The following ADGRL3 variants were observed in gnomAD, a reference collection of about 807,000 sequenced individuals.
ADGRL3 encodes adhesion G protein-coupled receptor L3, also known as calcium-independent alpha-latrotoxin receptor 3.
A neutral mutation model predicts 153.5 loss-of-function variants in ADGRL3; 62 were observed. The observed-to-expected ratio is 0.40, with a 90% CI of 0.33 to 0.50. ADGRL3 has a LOEUF of 0.50. ADGRL3 is among the 20% of genes least tolerant of loss of function. The pLI is 0.47. For synonymous variants in ADGRL3, 710 were observed against 672.5 expected (o/e 1.06, Z -0.86); for missense variants, 1,641 against 1,859.4 (o/e 0.88, Z 2.16).
intron 5 of ADGRL3, among the ~76,000 whole-genome samples, chr4:61,655,115 A>G (rs1473103064): frequency 6.6e-6 from 1 of 152,066 alleles, no homozygotes. Flanking sequence ...TGTGGCCAGC[A>G]GTGTACTCAC....
chr4:61,671,217 G>T (rs1048659991), intron 5 of ADGRL3, among the ~76,000 whole-genome samples: 3 of 152,096 alleles, frequency 2.0e-5, no homozygotes, highest in Non-Finnish European at 4.4e-5. Context: ...CTATGTTGTG[G>T]CAAATAGAGG....
chr4:62,068,544 G>T (rs1313343370), intron 26 of ADGRL3, among the ~76,000 whole-genome samples: 2 of 151,848 alleles, frequency 1.3e-5, no homozygotes, highest in Non-Finnish European at 2.9e-5. Context: ...ATTTTACTAT[G>T]GCTGTTTTCA....
At chr4:61,505,894 G>A (rs1405500805) in intron 3 of ADGRL3, among the ~76,000 whole-genome samples, 3 of 151,994 alleles carry the variant, frequency 2.0e-5, no homozygotes, top group Admixed American at 1.3e-4. Context: ...ATAATTAATG[G>A]TTAATAAATG....
chr4:61,691,531 C>G (rs974173604), intron 6 of ADGRL3, among the ~76,000 whole-genome samples: 3 of 152,116 alleles, frequency 2.0e-5, no homozygotes, highest in Non-Finnish European at 4.4e-5. Context: ...TTTATTTCTT[C>G]AAGACAAACC....
Position 61,946,926 on chromosome 4 carries a change from T to C in ADGRL3, c.2432T>C (p.Val811Ala). The C allele has an allele frequency of 4.3e-6, 7 of 1,613,570 alleles. No homozygotes were observed. Among genetic ancestry groups the C allele is most frequent in the Non-Finnish European group, 5.9e-6 (7 of 1,179,552 alleles). ...GCATTTACTTTAGGAGAGATCAGAG[T>C]GGCCTTTGTCCTGTATAACAACTTG... ...KQNGRNGEIR[V>A]AFVLYNNLGP... Residue 811 changes from valine to alanine, a missense_variant, in exon 16 of 27, where the codon GTG becomes GCG. Physicochemically the swap from Val to Ala is moderately conservative, Grantham distance 64 (BLOSUM62 0). Coordinates refer to ENST00000683033, the MANE Select transcript of ADGRL3 (RefSeq NM_001387552.1).
rs1190618911 is a variant in ADGRL3, at chr4:61,869,936, T to TAAAAAAAAAAAAA, written c.1481-22707_1481-22695dup. Among the ~76,000 whole-genome samples, 24 of 10,506 alleles carry TAAAAAAAAAAAAA rather than the reference T, an allele frequency of 2.3e-3. 4 individuals carry two copies. The highest frequency in any genetic ancestry group is 4.9e-3 in the Non-Finnish European group (19 of 3,912). The allele number at this position is 10,506 out of a possible 152,430, so 6.9% of individuals were successfully genotyped here. On this transcript the variant is annotated intron_variant, in intron 9 of 26. Coordinates refer to ENST00000683033, the MANE Select transcript of ADGRL3 (RefSeq NM_001387552.1). ...CTGGGCAACAAGAGCAAAACTTTGT[T>TAAAAAAAAAAAAA]AAAAAAAAAAAAAAAAAAAAAAAAA...
In ADGRL3 at chr4:61,232,944, C is replaced by T. The variant is rs144829447; in HGVS notation, c.-240+31179C>T. On this transcript the variant is annotated intron_variant, in intron 1 of 26. Transcript: ENST00000683033. ...ACATTGTAATCAGACTCATAGTTTT[C>T]TTGCCTCCATGCCAGCTTAGATGTA... is the stretch of plus-strand genomic sequence containing the variant. Among the ~76,000 whole-genome samples the T allele has an allele frequency of 2.8e-4, 43 of 152,238 alleles. 1 individual carries two copies. Among genetic ancestry groups the T allele is most frequent in the African/African-American group, 9.4e-4 (39 of 41,546 alleles).
intron 5 of ADGRL3, among the ~76,000 whole-genome samples, chr4:61,626,030 C>T (rs1479661777): frequency 6.6e-6 from 1 of 151,918 alleles, no homozygotes; most frequent in Non-Finnish European, 1.5e-5. Flanking sequence ...TCTTAACACT[C>T]TACAGTTTAA....
intron 5 of ADGRL3, among the ~76,000 whole-genome samples, chr4:61,613,074 T>C (rs747065396): frequency 5.9e-5 from 9 of 152,116 alleles, no homozygotes; most frequent in Non-Finnish European, 1.2e-4. Flanking sequence ...GTAAATTAGT[T>C]CTGAAAATTA....
chr4:62,068,221 ATT>A, intron 26 of ADGRL3, 38 bp downstream of exon 26: 2 of 1,577,406 alleles, frequency 1.3e-6, no homozygotes, highest in Non-Finnish European at 1.7e-6. Context: ...ATCAAATGTA[ATT>A]TTTTTTAGTT....
At chr4:61,539,638 G>A (rs2098678832) in intron 4 of ADGRL3, among the ~76,000 whole-genome samples, 1 of 152,132 alleles carries the variant, frequency 6.6e-6, no homozygotes, top group Non-Finnish European at 1.5e-5. Flanking sequence ...CTCAGTTCAG[G>A]CCTGAGGGGG....
intron 21 of ADGRL3, among the ~76,000 whole-genome samples, chr4:62,023,623 C>G (rs898334635): frequency 6.6e-6 from 1 of 152,082 alleles, no homozygotes; most frequent in African/African-American, 2.4e-5. Context: ...ACTCATCACC[C>G]TGATCATTCA....
chr4:61,806,350 GGTGT>G (rs1305008443), intron 8 of ADGRL3, among the ~76,000 whole-genome samples: 1 of 151,502 alleles, frequency 6.6e-6, no homozygotes, highest in African/African-American at 2.4e-5. Context: ...GGGTAGCCAA[GGTGT>G]GTGTGTGTAT....
chr4:61,268,960 GT>G (rs2093008147), intron 1 of ADGRL3, among the ~76,000 whole-genome samples: 1 of 151,632 alleles, frequency 6.6e-6, no homozygotes, highest in African/African-American at 2.4e-5. Flanking sequence ...GAAGAGAATG[GT>G]AAGTGATACT....
chr4:61,218,815 G>A (rs761349220), intron 1 of ADGRL3, among the ~76,000 whole-genome samples: 31 of 152,186 alleles, frequency 2.0e-4, no homozygotes, highest in Non-Finnish European at 4.3e-4. Context: ...TAAGGATTGA[G>A]AGAAATGGTA....
intron 4 of ADGRL3, among the ~76,000 whole-genome samples, chr4:61,586,023 C>G (rs1490641550): frequency 6.6e-6 from 1 of 151,868 alleles, no homozygotes; most frequent in African/African-American, 2.4e-5. Flanking sequence ...AAAATATATT[C>G]CACAGTACAA....
At chr4:61,988,561 A>G (rs191372060) in intron 19 of ADGRL3, among the ~76,000 whole-genome samples, 1 of 152,298 alleles carries the variant, frequency 6.6e-6, no homozygotes, top group East Asian at 1.9e-4. Context: ...TCAGTGCTAA[A>G]TACTTTGGTT....
intron 17 of ADGRL3, among the ~76,000 whole-genome samples, chr4:61,952,478 C>CAAAA (rs35219845): frequency 1.5e-5 from 1 of 66,694 alleles, no homozygotes; most frequent in Non-Finnish European, 3.1e-5. Flanking sequence ...GACCCTGTCT[C>CAAAA]AAAAAAAAAA....
At chr4:62,055,996 G>A (rs2151811190) in intron 25 of ADGRL3, among the ~76,000 whole-genome samples, 1 of 151,530 alleles carries the variant, frequency 6.6e-6, no homozygotes, top group East Asian at 1.9e-4. Context: ...AAAGATTAAT[G>A]AACTCCTACA....
Sources: allele counts gnomAD v4.1 joint callset (sites outside exome capture counted in the v4.1 genomes callset), GRCh38; gene constraint gnomAD v4.1.1; transcripts MANE v1.5; gene names NCBI Gene and HGNC (gene_info 2026-07-23, HGNC 2026-07-21).